Variants in SMAD3 observed in about 807,000 individuals in gnomAD.
The protein encoded by SMAD3 is SMAD family member 3.
In SMAD3, 12 loss-of-function variants were observed where a neutral mutation model predicts 51.8. The observed-to-expected ratio is 0.23, with a 90% CI of 0.15 to 0.38. The LOEUF (loss-of-function observed/expected upper bound fraction) is 0.38, where lower values mean the gene tolerates loss of function less well. Ranked by LOEUF, SMAD3 falls within the 10% of genes least tolerant of loss-of-function variation. The pLI, the probability that SMAD3 is intolerant of heterozygous loss-of-function variation, is 1.00. For synonymous variants in SMAD3, 238 were observed against 227.7 expected (o/e 1.05, Z -0.41); for missense variants, 294 against 565.6 (o/e 0.52, Z 4.87).
chr15:67,084,627 G>A (rs1286371011), intron 1 of SMAD3, among the ~76,000 whole-genome samples: 1 of 152,166 alleles, frequency 6.6e-6, no homozygotes, highest in Non-Finnish European at 1.5e-5. Flanking sequence ...GAGCTGCAAT[G>A]CGTTGCTGAT....
At chr15:67,173,594 G>T (rs1962810178) in intron 5 of SMAD3, among the ~76,000 whole-genome samples, 1 of 152,198 alleles carries the variant, frequency 6.6e-6, no homozygotes, top group Non-Finnish European at 1.5e-5. Flanking sequence ...ACCCCTGAGT[G>T]TCTGCTTAGC....
intron 1 of SMAD3, among the ~76,000 whole-genome samples, chr15:67,139,168 G>A (rs1298515973): frequency 1.3e-5 from 2 of 152,286 alleles, no homozygotes; most frequent in East Asian, 3.8e-4. Context: ...TGCTCACTGT[G>A]GAAAAGAAGG....
In SMAD3 at chr15:67,194,818, C is replaced by A. The variant is rs1032003329; in HGVS notation, c.*4282C>A. The A allele has an allele frequency of 3.4e-5, 8 of 232,898 alleles. No individual in the cohort carries two copies. Among genetic ancestry groups the A allele is most frequent in the Admixed American group, 2.3e-4 (4 of 17,756 alleles). The allele number at this position is 232,898 out of a possible 1,614,324, so 14.4% of individuals were successfully genotyped here. On this transcript the variant is annotated 3_prime_UTR_variant, in exon 9 of 9. Coordinates refer to ENST00000327367, the MANE Select transcript of SMAD3 (RefSeq NM_005902.4). Reference sequence around the variant, plus strand: ...AGGGTCCTCTGAACCAAGCCCCACTCCCTTGCTAGGGGTGAAAGCATTACA... The same window carrying A: ...AGGGTCCTCTGAACCAAGCCCCACTACCTTGCTAGGGGTGAAAGCATTACA...
At chr15:67,130,998 T>C (rs6494634) in intron 1 of SMAD3, among the ~76,000 whole-genome samples, 103,582 of 152,074 alleles carry the variant, frequency 0.68, 35,365 homozygotes, top group African/African-American at 0.73. Context: ...TCTCAAGCCT[T>C]CAAGCAACTG....
intron 1 of SMAD3, among the ~76,000 whole-genome samples, chr15:67,095,399 G>A (rs1288779753): frequency 6.6e-6 from 1 of 152,136 alleles, no homozygotes; most frequent in Non-Finnish European, 1.5e-5. Flanking sequence ...TGGAAGGATG[G>A]CTGTGGAAGT....
In SMAD3 at chr15:67,113,760, G is replaced by A. The variant is rs963489818; in HGVS notation, c.206+47400G>A. On this transcript the variant is annotated intron_variant, in intron 1 of 8. Transcript: ENST00000327367. ...AGCATATTTCTCCCATAGATCCTAG[G>A]AACCTGAGCTTCTCACGCACAGGAT... Among the ~76,000 whole-genome samples, 20 of 152,278 alleles carry A rather than the reference G, an allele frequency of 1.3e-4. No individual in the cohort carries two copies. The East Asian group carries it at 3.7e-3, about 28-fold the overall frequency.
chr15:67,177,633 G>T (rs1023816871), intron 5 of SMAD3, among the ~76,000 whole-genome samples: 1 of 152,010 alleles, frequency 6.6e-6, no homozygotes, highest in African/African-American at 2.4e-5. Flanking sequence ...AGGTTGGCCA[G>T]GCTGGTCTCG....
At chr15:67,144,174 C>T (rs74455222) in intron 1 of SMAD3, among the ~76,000 whole-genome samples, 1 of 152,080 alleles carries the variant, frequency 6.6e-6, no homozygotes, top group African/African-American at 2.4e-5. Flanking sequence ...TGCCCCCATC[C>T]CTAGGCATCC....
chr15:67,151,765 T>A (rs535136923), intron 1 of SMAD3, among the ~76,000 whole-genome samples: 1 of 152,346 alleles, frequency 6.6e-6, no homozygotes, highest in East Asian at 1.9e-4. Flanking sequence ...ATTATGGTGA[T>A]CACATCAGGT....
intron 1 of SMAD3, among the ~76,000 whole-genome samples, chr15:67,100,594 A>G (rs1960732074): frequency 6.6e-6 from 1 of 152,074 alleles, no homozygotes; most frequent in Non-Finnish European, 1.5e-5. Context: ...ACTGTGATAT[A>G]TTGTGATAAA....
intron 8 of SMAD3, among the ~76,000 whole-genome samples, chr15:67,188,742 G>C (rs1434639323): frequency 6.6e-6 from 1 of 152,232 alleles, no homozygotes; most frequent in Non-Finnish European, 1.5e-5. Flanking sequence ...TTGTTTTGCA[G>C]TCATGCTGCA....
At position 67,182,999 on chromosome 15, in the gene SMAD3, A is replaced by AT. The variant is rs56907200; in HGVS notation, c.871+1546_871+1547insT. On this transcript the variant is annotated intron_variant, in intron 6 of 8. Coordinates refer to ENST00000327367, the MANE Select transcript of SMAD3 (RefSeq NM_005902.4). Reference sequence around the variant, plus strand: ...TCTATATTTTATTAAAAAAAAAAAAAAATATATATATATATATATATATAT... The same window carrying AT: ...TCTATATTTTATTAAAAAAAAAAAAATAATATATATATATATATATATATAT... Among the ~76,000 whole-genome samples the AT allele has an allele frequency of 4.9e-3, 244 of 50,144 alleles. 1 individual carries two copies. Among genetic ancestry groups the AT allele is most frequent in the African/African-American group, 5.3e-3 (61 of 11,524 alleles). 32.9% of individuals were successfully genotyped at this position (50,144 alleles called of 152,430 possible).
At chr15:67,141,617 G>A (rs953791972) in intron 1 of SMAD3, among the ~76,000 whole-genome samples, 7 of 152,148 alleles carry the variant, frequency 4.6e-5, no homozygotes, top group African/African-American at 1.7e-4. Context: ...CCAGGACCAG[G>A]CGGCAAAAAT....
At chr15:67,148,927 C>T (rs1962051358) in intron 1 of SMAD3, among the ~76,000 whole-genome samples, 1 of 152,210 alleles carries the variant, frequency 6.6e-6, no homozygotes, top group Admixed American at 6.5e-5. Flanking sequence ...GGTTTCCTTT[C>T]CCTCAAGGAG....
intron 4 of SMAD3, among the ~76,000 whole-genome samples, chr15:67,167,317 C>T (rs538555072): frequency 1.3e-5 from 2 of 152,108 alleles, no homozygotes; most frequent in Non-Finnish European, 2.9e-5. Flanking sequence ...TGTCTGGAGT[C>T]CAGAGAGTGT....
At chr15:67,109,609 C>A (rs1389532463) in intron 1 of SMAD3, among the ~76,000 whole-genome samples, 2 of 152,102 alleles carry the variant, frequency 1.3e-5, no homozygotes, top group Non-Finnish European at 2.9e-5. Flanking sequence ...GAAAGCAAGC[C>A]AAGAGCCATG....
In SMAD3 at chr15:67,183,027, A is replaced by T. The variant is rs57138065; in HGVS notation, c.871+1574A>T. ...TATATATATATATATATATATATAT[A>T]TATATTTTTTTTTTTTTTTTTTTTG... On this transcript the variant is annotated intron_variant, in intron 6 of 8. Coordinates refer to ENST00000327367, the MANE Select transcript of SMAD3 (RefSeq NM_005902.4). Among the ~76,000 whole-genome samples, 207 of 63,808 alleles carry T rather than the reference A, an allele frequency of 3.2e-3. 2 individuals are homozygous for T. Among genetic ancestry groups the T allele is most frequent in the South Asian group, 6.9e-3 (10 of 1,446 alleles). 41.9% of individuals were successfully genotyped at this position (63,808 alleles called of 152,430 possible). A position where few individuals can be genotyped will look rare whatever the true frequency, so the allele number is the denominator to read the frequency against.
intron 1 of SMAD3, among the ~76,000 whole-genome samples, chr15:67,108,510 C>T (rs1566970873): frequency 6.6e-6 from 1 of 152,166 alleles, no homozygotes; most frequent in Non-Finnish European, 1.5e-5. Flanking sequence ...TCAGATGCCC[C>T]CTCCTCCTGG....
At chr15:67,100,046 T>C (rs967260206) in intron 1 of SMAD3, among the ~76,000 whole-genome samples, 13 of 152,058 alleles carry the variant, frequency 8.5e-5, no homozygotes, top group African/African-American at 3.1e-4. Flanking sequence ...CCGGGCATGG[T>C]GCCACATGCC....
Sources: allele counts gnomAD v4.1 joint callset (sites outside exome capture counted in the v4.1 genomes callset), GRCh38; gene constraint gnomAD v4.1.1; transcripts MANE v1.5; gene names NCBI Gene and HGNC (gene_info 2026-07-23, HGNC 2026-07-21).